ZFHX3: variants seen among roughly 807,000 people sequenced by gnomAD.
ZFHX3 encodes zinc finger homeobox protein 3.
ZFHX3 carries 42 observed loss-of-function variants against 279.1 expected under a neutral mutation model. The ratio of observed to expected loss-of-function variants is 0.15; its 90% confidence interval spans 0.12 to 0.19. The LOEUF (loss-of-function observed/expected upper bound fraction) is 0.19, where lower values mean the gene tolerates loss of function less well. ZFHX3 is among the 10% of genes least tolerant of loss of function. ZFHX3 has a pLI of 1.00. For synonymous variants in ZFHX3, 2,293 were observed against 1,957.8 expected (o/e 1.17, Z -4.52); for missense variants, 4,981 against 4,754.0 (o/e 1.05, Z -1.40).
At chr16:73,670,846 C>T (rs1027216331) in intron 2 of ZFHX3, among the ~76,000 whole-genome samples, 2 of 152,126 alleles carry the variant, frequency 1.3e-5, no homozygotes, top group African/African-American at 2.4e-5. Flanking sequence ...TAGCATCCAG[C>T]CAGGCAAAGT....
chr16:73,265,548 C>A (rs2013951861), intron 4 of ZFHX3, among the ~76,000 whole-genome samples: 1 of 152,152 alleles, frequency 6.6e-6, no homozygotes, highest in South Asian at 2.1e-4. Context: ...ATTGACCACG[C>A]AGTTTGGAGC....
At chr16:73,273,294 T>G (rs1327972117) in intron 4 of ZFHX3, among the ~76,000 whole-genome samples, 1 of 152,004 alleles carries the variant, frequency 6.6e-6, no homozygotes, top group Non-Finnish European at 1.5e-5. Flanking sequence ...ATAAAGAATA[T>G]TAAAATATAA....
At chr16:73,165,028 C>T (rs555880612) in intron 5 of ZFHX3, among the ~76,000 whole-genome samples, 1 of 152,196 alleles carries the variant, frequency 6.6e-6, no homozygotes, top group Admixed American at 6.5e-5. Context: ...TTGAATCATG[C>T]TCAAGAAGTT....
intron 5 of ZFHX3, among the ~76,000 whole-genome samples, chr16:72,816,579 C>A: frequency 6.6e-6 from 1 of 152,088 alleles, no homozygotes; most frequent in East Asian, 1.9e-4. Flanking sequence ...TTATGGTGGC[C>A]CTACCCAACG....
intron 2 of ZFHX3, among the ~76,000 whole-genome samples, chr16:73,613,296 T>C (rs972377186): frequency 2.0e-5 from 3 of 152,140 alleles, no homozygotes; most frequent in Non-Finnish European, 2.9e-5. Flanking sequence ...TAAGCTCTGA[T>C]CCACCCAGGG....
intron 4 of ZFHX3, among the ~76,000 whole-genome samples, chr16:72,853,573 G>T (rs1245350509): frequency 6.6e-6 from 1 of 152,152 alleles, no homozygotes; most frequent in African/African-American, 2.4e-5. Context: ...CTGCTAAAGT[G>T]TTTTTTAAGC....
intron 2 of ZFHX3, among the ~76,000 whole-genome samples, chr16:73,555,017 C>T (rs1476088001): frequency 1.3e-5 from 2 of 152,202 alleles, no homozygotes; most frequent in Admixed American, 6.5e-5. Flanking sequence ...TGAAGACTTA[C>T]AGTCATATCC....
At chr16:73,850,848 TAA>T (rs1961576766) in intron 1 of ZFHX3, among the ~76,000 whole-genome samples, 1 of 152,066 alleles carries the variant, frequency 6.6e-6, no homozygotes, top group Admixed American at 6.6e-5. Flanking sequence ...ACCTAACCAG[TAA>T]AAGAGACTCC....
intron 1 of ZFHX3, among the ~76,000 whole-genome samples, chr16:73,862,716 G>A (rs1270762434): frequency 1.1e-4 from 16 of 152,068 alleles, no homozygotes. Context: ...GGAAGAGGCT[G>A]TAGAGAGCTG....
Position 73,216,310 on chromosome 16 carries a change from C to T in ZFHX3, c.-1104+40737G>A, listed in dbSNP as rs74028093. On this transcript the variant is annotated intron_variant, in intron 5 of 17. Coordinates refer to the ZFHX3 transcript ENST00000641206. ...TACAGGTCAAGTCCAAACTCTGTGC[C>T]ATGTCATTCAAGGTCCCCAGCAATC... Among the ~76,000 whole-genome samples the T allele has an allele frequency of 1.6e-3, 247 of 152,280 alleles. 1 individual carries two copies. Among genetic ancestry groups the T allele is most frequent in the African/African-American group, 5.6e-3 (231 of 41,554 alleles).
chr16:73,767,642 T>A (rs1342533726), intron 1 of ZFHX3, among the ~76,000 whole-genome samples: 2 of 152,218 alleles, frequency 1.3e-5, no homozygotes, highest in Non-Finnish European at 2.9e-5. Flanking sequence ...TATTACATAG[T>A]TCCAAGACCA....
Position 72,950,493 on chromosome 16 carries a change from G to A in ZFHX3, c.3192C>T (p.His1064=), listed in dbSNP as rs765657869. 31 of 1,613,916 alleles carry A rather than the reference G, an allele frequency of 1.9e-5. No homozygotes were observed. Among genetic ancestry groups the A allele is most frequent in the Middle Eastern group, 1.7e-4 (1 of 6,058 alleles). The change falls in exon 3 of 10, where the codon CAC becomes CAT. Residue 1064 remains histidine, a synonymous_variant. Transcript: ENST00000268489. ...CCTTGTACAACTTCAGGCTGGCCTC[G>A]TGCCTGGAGTTGACCGTGTGCAGCC... The part of the protein sequence containing the change: ...KLRLHTVNSR[H]EASLKLYKHL...
chr16:72,931,543 G>A (rs1438126298), intron 3 of ZFHX3, among the ~76,000 whole-genome samples: 1 of 149,082 alleles, frequency 6.7e-6, no homozygotes, highest in Non-Finnish European at 1.5e-5. Flanking sequence ...CGTACCGACA[G>A]GGAAGAGGAG....
intron 1 of ZFHX3, among the ~76,000 whole-genome samples, chr16:73,702,196 G>A (rs2053255162): frequency 6.6e-6 from 1 of 152,088 alleles, no homozygotes; most frequent in African/African-American, 2.4e-5. Flanking sequence ...CACTATGGGA[G>A]AATTTGGGTG....
At chr16:72,844,989 GAACA>G (rs2037441805) in intron 4 of ZFHX3, among the ~76,000 whole-genome samples, 3 of 152,240 alleles carry the variant, frequency 2.0e-5, no homozygotes, top group South Asian at 4.1e-4. Context: ...AACTGAAGGT[GAACA>G]AACAAAGGGA....
intron 3 of ZFHX3, among the ~76,000 whole-genome samples, chr16:73,455,604 A>G (rs768689427): frequency 3.9e-5 from 6 of 152,174 alleles, no homozygotes; most frequent in Non-Finnish European, 7.3e-5. Context: ...AACCCATTCA[A>G]AGGACTTATT....
chr16:73,183,237 A>G (rs1967839822), intron 5 of ZFHX3, among the ~76,000 whole-genome samples: 1 of 152,164 alleles, frequency 6.6e-6, no homozygotes, highest in South Asian at 2.1e-4. Flanking sequence ...TCTTAGGTAC[A>G]ATGTTCACTA....
intron 1 of ZFHX3, among the ~76,000 whole-genome samples, chr16:72,974,595 AC>A: frequency 6.6e-6 from 1 of 151,980 alleles, no homozygotes; most frequent in East Asian, 1.9e-4. Flanking sequence ...ACACACACAC[AC>A]ACACACAGCC....
At chr16:73,647,095 G>C (rs1332429594) in intron 2 of ZFHX3, among the ~76,000 whole-genome samples, 1 of 150,946 alleles carries the variant, frequency 6.6e-6, no homozygotes, top group Non-Finnish European at 1.5e-5. Context: ...GCACTGCACG[G>C]TCCGACTCCC....
Sources: gnomAD v4.1 joint callset for allele counts (sites outside exome capture counted in the v4.1 genomes callset) on GRCh38, gnomAD v4.1.1 for gene constraint, MANE v1.5 for transcripts, NCBI Gene and HGNC (gene_info 2026-07-23, HGNC 2026-07-21) for gene names.